Variants in NALF1 observed in about 807,000 individuals in gnomAD.
NALF1 encodes the protein family with sequence similarity 155 member A.
Under a neutral mutation model 48.4 loss-of-function variants are expected in NALF1, and 3 were observed. The ratio of observed to expected loss-of-function variants is 0.06; its 90% confidence interval spans 0.03 to 0.16. The LOEUF is 0.16. Ranked by LOEUF, NALF1 falls within the 10% of genes least tolerant of loss-of-function variation. The pLI, the probability that NALF1 is intolerant of heterozygous loss-of-function variation, is 1.00. For missense variants in NALF1, 526 were observed against 571.5 expected, an observed-to-expected ratio of 0.92 and a Z score of 0.81; for synonymous variants, 262 against 245.7, an observed-to-expected ratio of 1.07 and a Z score of -0.62.
At chr13:107,439,109 TTTAATGC>T (rs1347516929) in intron 1 of NALF1, among the ~76,000 whole-genome samples, 5 of 152,118 alleles carry the variant, frequency 3.3e-5, no homozygotes, top group African/African-American at 1.2e-4. Flanking sequence ...ATTATATATA[TTTAATGC>T]TTAGCAACCA....
chr13:107,366,750 C>G (rs926379723), intron 1 of NALF1, among the ~76,000 whole-genome samples: 1 of 152,190 alleles, frequency 6.6e-6, no homozygotes, highest in East Asian at 1.9e-4. Flanking sequence ...GTCCGACATC[C>G]CATGTTGTCA....
intron 1 of NALF1, among the ~76,000 whole-genome samples, chr13:107,860,803 AC>A (rs2138649718): frequency 6.6e-6 from 1 of 152,340 alleles, no homozygotes; most frequent in South Asian, 2.1e-4. Flanking sequence ...CGTACATTAA[AC>A]CTGGTAAAAA....
At chr13:107,546,165 G>A (rs943076925) in intron 1 of NALF1, among the ~76,000 whole-genome samples, 1 of 152,040 alleles carries the variant, frequency 6.6e-6, no homozygotes, top group South Asian at 2.1e-4. Flanking sequence ...TGCACCCTGG[G>A]GCCAGTGTGC....
At chr13:107,680,887 C>A (rs201720098) in intron 1 of NALF1, among the ~76,000 whole-genome samples, 1 of 139,454 alleles carries the variant, frequency 7.2e-6, no homozygotes, top group Admixed American at 7.4e-5. Flanking sequence ...TGTGTGTGTC[C>A]ATGAGAGAGG....
intron 1 of NALF1, among the ~76,000 whole-genome samples, chr13:107,400,250 A>G (rs1883781931): frequency 6.6e-6 from 1 of 152,176 alleles, no homozygotes; most frequent in African/African-American, 2.4e-5. Flanking sequence ...ATTAAAGAGT[A>G]ATTATTTTTA....
chr13:107,630,626 T>C (rs532056709), intron 1 of NALF1, among the ~76,000 whole-genome samples: 1 of 152,264 alleles, frequency 6.6e-6, no homozygotes, highest in Admixed American at 6.5e-5. Flanking sequence ...GAAAATATAT[T>C]TTTCTTATAA....
At chr13:107,430,586 T>A (rs904313751) in intron 1 of NALF1, among the ~76,000 whole-genome samples, 2 of 152,130 alleles carry the variant, frequency 1.3e-5, no homozygotes, top group South Asian at 4.1e-4. Flanking sequence ...TGCTGAGAAT[T>A]ATGGTTTCCA....
chr13:107,737,492 G>A (rs959988433), intron 1 of NALF1, among the ~76,000 whole-genome samples: 4 of 152,066 alleles, frequency 2.6e-5, no homozygotes, highest in East Asian at 1.9e-4. Context: ...TAGAATTTAC[G>A]TTACTTTGGA....
chr13:107,677,167 C>CT (rs1463225985), intron 1 of NALF1, among the ~76,000 whole-genome samples: 1 of 152,216 alleles, frequency 6.6e-6, no homozygotes, highest in African/African-American at 2.4e-5. Flanking sequence ...ATGCTTCAGC[C>CT]TCCTGAGTAG....
chr13:107,477,984 T>C (rs1007732643), intron 1 of NALF1, among the ~76,000 whole-genome samples: 2 of 147,886 alleles, frequency 1.4e-5, no homozygotes, highest in African/African-American at 5.1e-5. Flanking sequence ...TCACAGAAAG[T>C]GTATGATTTC....
rs529130896 is a variant in NALF1, at chr13:107,434,699, A to G, written c.916-223944T>C. ...TCTTTCTTTAAATTCTAGCTCTGCC[A>G]CTTAAAAGCAAGGCCCTTAAAAGAC... On this transcript the variant is annotated intron_variant, in intron 1 of 2. Transcript: ENST00000375915. Among the ~76,000 whole-genome samples the G allele has an allele frequency of 3.9e-5, 6 of 152,344 alleles. No individual in the cohort carries two copies. In the South Asian group the frequency reaches 1.2e-3, roughly 32 times the overall value.
chr13:107,729,349 C>T (rs1876244870), intron 1 of NALF1, among the ~76,000 whole-genome samples: 1 of 152,004 alleles, frequency 6.6e-6, no homozygotes, highest in African/African-American at 2.4e-5. Flanking sequence ...TCCTTTTCTG[C>T]TTCCTCCTTT....
At chr13:107,530,116 C>T (rs1876578404) in intron 1 of NALF1, among the ~76,000 whole-genome samples, 1 of 152,154 alleles carries the variant, frequency 6.6e-6, no homozygotes, top group African/African-American at 2.4e-5. Context: ...CACCTGGGCA[C>T]CTTTACCTTG....
At chr13:107,771,040 AAAAC>A (rs1451835773) in intron 1 of NALF1, among the ~76,000 whole-genome samples, 1,574 of 152,306 alleles carry the variant, frequency 0.01, 30 homozygotes, top group African/African-American at 0.033. Context: ...AAAGGGGCAT[AAAAC>A]AATTTCATTT....
chr13:107,637,933 A>AGTT (rs1880030075), intron 1 of NALF1, among the ~76,000 whole-genome samples: 1 of 151,402 alleles, frequency 6.6e-6, no homozygotes, highest in Non-Finnish European at 1.5e-5. Flanking sequence ...TTCTTGACTT[A>AGTT]GAGAGTCAAA....
intron 1 of NALF1, among the ~76,000 whole-genome samples, chr13:107,580,191 A>G (rs1024331160): frequency 5.3e-5 from 8 of 152,210 alleles, no homozygotes; most frequent in African/African-American, 7.2e-5. Context: ...GCAAACTATC[A>G]CAAGAACAAA....
chr13:107,751,547 G>A (rs2138553076), intron 1 of NALF1, among the ~76,000 whole-genome samples: 1 of 152,224 alleles, frequency 6.6e-6, no homozygotes, highest in African/African-American at 2.4e-5. Context: ...AAACAAATTA[G>A]TTATTCCTTA....
At chr13:107,307,878 A>G (rs1881968034) in intron 1 of NALF1, among the ~76,000 whole-genome samples, 1 of 152,212 alleles carries the variant, frequency 6.6e-6, no homozygotes, top group African/African-American at 2.4e-5. Context: ...ATCTGTGTTC[A>G]CTTAATACAA....
intron 1 of NALF1, among the ~76,000 whole-genome samples, chr13:107,370,073 G>T (rs1022592098): frequency 1.3e-5 from 2 of 152,072 alleles, no homozygotes; most frequent in African/African-American, 2.4e-5. Context: ...TGTTACTTTG[G>T]GAAAGCTAAA....
Sources: allele counts gnomAD v4.1 joint callset (sites outside exome capture counted in the v4.1 genomes callset), GRCh38; gene constraint gnomAD v4.1.1; transcripts MANE v1.5; gene names NCBI Gene and HGNC (gene_info 2026-07-23, HGNC 2026-07-21).